Variants in UBE3D observed in about 807,000 individuals in gnomAD.
UBE3D encodes the protein ubiquitin protein ligase E3D.
UBE3D carries 48 observed loss-of-function variants against 49.6 expected under a neutral mutation model. The observed-to-expected ratio is 0.97, with a 90% CI of 0.77 to 1.23. UBE3D has a LOEUF of 1.23. Ranked by LOEUF, UBE3D falls within the 50% of genes most tolerant of loss-of-function variation. UBE3D has a pLI of 0.00. For synonymous variants in UBE3D, 189 were observed against 174.2 expected, an observed-to-expected ratio of 1.08 and a Z score of -0.67; for missense variants, 452 against 468.4, an observed-to-expected ratio of 0.96 and a Z score of 0.32.
chr6:82,890,426 G>A (rs1770959678), downstream of UBE3D, among the ~76,000 whole-genome samples: 1 of 152,186 alleles, frequency 6.6e-6, no homozygotes, highest in South Asian at 2.1e-4. Context: ...GCATAGCTGT[G>A]CTGGCCCTCC....
chr6:82,999,932 T>C (rs531620515), intron 8 of UBE3D, among the ~76,000 whole-genome samples: 49 of 152,342 alleles, frequency 3.2e-4, no homozygotes, highest in African/African-American at 1.1e-3. Flanking sequence ...ATCCAATGCA[T>C]GTTTTACATT....
intron 9 of UBE3D, among the ~76,000 whole-genome samples, chr6:82,947,729 A>G (rs13202104): frequency 6.6e-6 from 1 of 152,038 alleles, no homozygotes; most frequent in Non-Finnish European, 1.5e-5. Flanking sequence ...TGAAAACTAT[A>G]CGAATACATG....
chr6:82,982,058 A>T (rs571942790), intron 8 of UBE3D, among the ~76,000 whole-genome samples: 3 of 152,276 alleles, frequency 2.0e-5, no homozygotes, highest in African/African-American at 4.8e-5. Flanking sequence ...CTAAATTTTT[A>T]AAAAAAGTTT....
chr6:82,883,039 G>C, the UBE3D span, among the ~76,000 whole-genome samples: 1 of 152,194 alleles, frequency 6.6e-6, no homozygotes, highest in Admixed American at 6.5e-5. Flanking sequence ...TCAGGACATA[G>C]AGTGGACTTG....
intron 8 of UBE3D, among the ~76,000 whole-genome samples, chr6:82,981,035 C>A (rs1778083962): frequency 1.3e-5 from 2 of 151,984 alleles, no homozygotes; most frequent in Non-Finnish European, 2.9e-5. Flanking sequence ...AATAATCCTA[C>A]CATGATCTTC....
At chr6:82,898,677 G>T (rs1041388859) in intron 9 of UBE3D, among the ~76,000 whole-genome samples, 1 of 151,956 alleles carries the variant, frequency 6.6e-6, no homozygotes, top group Admixed American at 6.6e-5. Context: ...GGGTCTGTTG[G>T]GGGGTAGGGG....
intron 8 of UBE3D, among the ~76,000 whole-genome samples, chr6:82,992,453 C>CCT (rs1006179736): frequency 3.9e-5 from 6 of 152,036 alleles, no homozygotes; most frequent in African/African-American, 1.5e-4. Flanking sequence ...AAACTACTGA[C>CCT]CTCAGGTGAT....
At chr6:83,058,366 A>G (rs1163684825) in intron 1 of UBE3D, among the ~76,000 whole-genome samples, 1 of 152,252 alleles carries the variant, frequency 6.6e-6, no homozygotes, top group Non-Finnish European at 1.5e-5. Flanking sequence ...ATTCAGTGAA[A>G]CAATGATACA....
chr6:83,035,482 T>C (rs1177258471), intron 5 of UBE3D, among the ~76,000 whole-genome samples: 2 of 152,240 alleles, frequency 1.3e-5, no homozygotes, highest in African/African-American at 2.4e-5. Context: ...CTCGACTGTG[T>C]ATAGAATTCT....
chr6:82,884,034 G>C, the UBE3D span, among the ~76,000 whole-genome samples: 1 of 152,130 alleles, frequency 6.6e-6, no homozygotes, highest in Non-Finnish European at 1.5e-5. Context: ...TGAGTATATG[G>C]TACTCAAAAT....
At chr6:83,021,648 C>T (rs1361793084) in intron 7 of UBE3D, among the ~76,000 whole-genome samples, 2 of 151,828 alleles carry the variant, frequency 1.3e-5, no homozygotes, top group East Asian at 1.9e-4. Context: ...GGGTGGATCA[C>T]GAGGTCAGGA....
intron 9 of UBE3D, 82 bp downstream of exon 9, chr6:82,957,230 C>A: frequency 6.9e-7 from 1 of 1,446,632 alleles, no homozygotes; most frequent in Non-Finnish European, 9.6e-7. Context: ...CACGGGCTAT[C>A]TCCTGTGAAA....
At chr6:83,040,403 CTATA>C (rs1179798128) in intron 4 of UBE3D, among the ~76,000 whole-genome samples, 6,774 of 83,532 alleles carry the variant, frequency 0.081, 215 homozygotes, top group South Asian at 0.14. Flanking sequence ...CTCTCTCTCT[CTATA>C]TATATATATA....
At chr6:82,883,647 A>G in the UBE3D span, among the ~76,000 whole-genome samples, 3 of 152,216 alleles carry the variant, frequency 2.0e-5, no homozygotes, top group South Asian at 2.1e-4. Context: ...TCAGTAAAAT[A>G]AAATCGAATG....
At chr6:82,974,783 TA>T (rs61512311) in intron 8 of UBE3D, among the ~76,000 whole-genome samples, 21 of 148,326 alleles carry the variant, frequency 1.4e-4, no homozygotes, top group Middle Eastern at 3.5e-3. Flanking sequence ...TAAAAGACCT[TA>T]AAAAAAAAAA....
intron 9 of UBE3D, among the ~76,000 whole-genome samples, chr6:82,952,144 T>C (rs932480480): frequency 4.6e-5 from 7 of 152,168 alleles, no homozygotes; most frequent in Admixed American, 1.3e-4. Context: ...ACCAACCTTA[T>C]TAAAAGAGGT....
intron 9 of UBE3D, among the ~76,000 whole-genome samples, chr6:82,933,054 T>C (rs1322656985): frequency 2.0e-5 from 3 of 152,142 alleles, no homozygotes; most frequent in African/African-American, 4.8e-5. Context: ...TCCTGCCACC[T>C]GACCAAGCAG....
intron 3 of UBE3D, among the ~76,000 whole-genome samples, chr6:83,052,452 A>G (rs900590099): frequency 2.0e-5 from 3 of 152,184 alleles, no homozygotes; most frequent in Non-Finnish European, 4.4e-5. Flanking sequence ...AAGGCTCATA[A>G]CAGTACCTGT....
At chr6:82,999,422 T>C (rs1448964441) in intron 8 of UBE3D, among the ~76,000 whole-genome samples, 1 of 152,170 alleles carries the variant, frequency 6.6e-6, no homozygotes, top group East Asian at 1.9e-4. Flanking sequence ...GCTCACTCTG[T>C]CATCCAGGCT....
Sources: gnomAD v4.1 joint callset for allele counts (sites outside exome capture counted in the v4.1 genomes callset) on GRCh38, gnomAD v4.1.1 for gene constraint, MANE v1.5 for transcripts, NCBI Gene and HGNC (gene_info 2026-07-23, HGNC 2026-07-21) for gene names.